Variants in STPG2 observed in about 807,000 individuals in gnomAD.
STPG2 encodes the protein sperm tail PG-rich repeat containing 2, also known as sperm-tail PG-rich repeat-containing protein 2.
Under a neutral mutation model 54.2 loss-of-function variants are expected in STPG2, and 56 were observed. That is an observed-to-expected ratio of 1.03 (90% CI 0.83 to 1.29). The LOEUF is 1.29. STPG2 is among the 50% of genes most tolerant of loss of function. The pLI, the probability that STPG2 is intolerant of heterozygous loss-of-function variation, is 0.00. For missense variants in STPG2, 596 were observed against 544.9 expected (o/e 1.09, Z -0.93); for synonymous variants, 200 against 181.8 (o/e 1.10, Z -0.81).
intron 7 of STPG2, among the ~76,000 whole-genome samples, chr4:97,958,642 CAAAG>C (rs1383152658): frequency 2.6e-5 from 4 of 151,460 alleles, no homozygotes; most frequent in Non-Finnish European, 5.9e-5. Context: ...TTTAAAAAGA[CAAAG>C]AAGGCCTTGT....
chr4:97,948,553 G>T (rs1173710424), intron 7 of STPG2, among the ~76,000 whole-genome samples: 1 of 152,036 alleles, frequency 6.6e-6, no homozygotes, highest in Non-Finnish European at 1.5e-5. Context: ...GGCATTTAGT[G>T]CTACAAACAT....
intron 9 of STPG2, among the ~76,000 whole-genome samples, chr4:97,823,809 G>A (rs1027539934): frequency 2.0e-5 from 3 of 152,100 alleles, no homozygotes; most frequent in African/African-American, 4.8e-5. Flanking sequence ...GACTGGATCC[G>A]AGGCCCAACC....
chr4:97,500,707 C>G (rs999162198), intron 4 of STPG2, among the ~76,000 whole-genome samples: 1 of 151,972 alleles, frequency 6.6e-6, no homozygotes, highest in Non-Finnish European at 1.5e-5. Context: ...GAATGAGTGT[C>G]AAGTGCTATG....
At chr4:97,446,588 G>C (rs1289572061) in intron 4 of STPG2, among the ~76,000 whole-genome samples, 1 of 152,144 alleles carries the variant, frequency 6.6e-6, no homozygotes, top group African/African-American at 2.4e-5. Flanking sequence ...ATGTATCAAG[G>C]GAGGGACCAG....
At chr4:97,996,293 C>T (rs916099238) in intron 5 of STPG2, among the ~76,000 whole-genome samples, 2 of 152,144 alleles carry the variant, frequency 1.3e-5, no homozygotes, top group Non-Finnish European at 2.9e-5. Context: ...TGCTACACAC[C>T]TACTACCATC....
chr4:97,866,869 G>A (rs1450877353), intron 8 of STPG2, among the ~76,000 whole-genome samples: 2 of 151,814 alleles, frequency 1.3e-5, no homozygotes, highest in Non-Finnish European at 2.9e-5. Flanking sequence ...GGGGAGAATA[G>A]ATTAAAGGCA....
intron 5 of STPG2, among the ~76,000 whole-genome samples, chr4:98,042,435 T>C (rs552942418): frequency 6.6e-6 from 1 of 152,014 alleles, no homozygotes; most frequent in South Asian, 2.1e-4. Context: ...ATTTGTGGTG[T>C]TTCTTTTTAT....
chr4:98,040,275 G>GTT (rs1736909270), intron 5 of STPG2, among the ~76,000 whole-genome samples: 2 of 151,860 alleles, frequency 1.3e-5, no homozygotes, highest in South Asian at 4.1e-4. Flanking sequence ...CAAGTTGTCT[G>GTT]TTCACTCTGT....
At chr4:97,887,896 T>TG (rs1730636778) in intron 8 of STPG2, among the ~76,000 whole-genome samples, 3 of 152,162 alleles carry the variant, frequency 2.0e-5, no homozygotes, top group African/African-American at 4.8e-5. Flanking sequence ...CTTGGGAAAC[T>TG]GCTCCCTGCA....
chr4:97,910,415 AG>A (rs1163959408), intron 8 of STPG2, among the ~76,000 whole-genome samples: 1 of 152,250 alleles, frequency 6.6e-6, no homozygotes, highest in African/African-American at 2.4e-5. Context: ...AAATCAATAT[AG>A]CAAAAGCTCT....
chr4:97,445,668 T>C (rs1279215556), intron 4 of STPG2, among the ~76,000 whole-genome samples: 1 of 152,246 alleles, frequency 6.6e-6, no homozygotes, highest in Non-Finnish European at 1.5e-5. Flanking sequence ...ATGTGGCTAG[T>C]GGCTACCATC....
At chr4:97,952,872 G>A (rs576346656) in intron 7 of STPG2, among the ~76,000 whole-genome samples, 2 of 152,154 alleles carry the variant, frequency 1.3e-5, no homozygotes, top group South Asian at 4.2e-4. Context: ...CTCCTTTCTG[G>A]GCACATTGTT....
intron 5 of STPG2, among the ~76,000 whole-genome samples, chr4:98,031,656 G>A (rs991752135): frequency 5.3e-5 from 8 of 151,952 alleles, no homozygotes; most frequent in African/African-American, 1.9e-4. Flanking sequence ...CCGCACTCCA[G>A]CCTGGGCAAA....
At chr4:97,688,391 G>A (rs1420902491) in intron 10 of STPG2, among the ~76,000 whole-genome samples, 3 of 152,128 alleles carry the variant, frequency 2.0e-5, no homozygotes, top group African/African-American at 7.2e-5. Flanking sequence ...TTTTGAGACA[G>A]AGTCTGGCTC....
At chr4:97,455,467 C>A (rs1421857695) in intron 4 of STPG2, among the ~76,000 whole-genome samples, 1 of 152,084 alleles carries the variant, frequency 6.6e-6, no homozygotes, top group African/African-American at 2.4e-5. Context: ...CAGACACCAG[C>A]AGATGTTGGC....
intron 10 of STPG2, among the ~76,000 whole-genome samples, chr4:97,680,553 T>A (rs1723001239): frequency 6.6e-6 from 1 of 152,126 alleles, no homozygotes; most frequent in African/African-American, 2.4e-5. Flanking sequence ...GTTTTCTAGA[T>A]ATACAATCAT....
At chr4:97,698,604 T>C (rs990809194) in intron 10 of STPG2, among the ~76,000 whole-genome samples, 4 of 152,010 alleles carry the variant, frequency 2.6e-5, no homozygotes, top group Admixed American at 2.0e-4. Flanking sequence ...GTCACTAAGG[T>C]TGATGATGAG....
intron 10 of STPG2, among the ~76,000 whole-genome samples, chr4:97,666,873 C>T (rs1241799729): frequency 6.6e-6 from 1 of 152,134 alleles, no homozygotes; most frequent in Non-Finnish European, 1.5e-5. Flanking sequence ...CTCATTTCAT[C>T]CACCACCAGA....
intron 10 of STPG2, among the ~76,000 whole-genome samples, chr4:97,643,591 GCAA>G (rs1462884964): frequency 6.6e-6 from 1 of 151,600 alleles, no homozygotes; most frequent in African/African-American, 2.4e-5. Flanking sequence ...GGGCTTATTT[GCAA>G]CAACATTAAA....
Sources: gnomAD v4.1 joint callset for allele counts (sites outside exome capture counted in the v4.1 genomes callset) on GRCh38, gnomAD v4.1.1 for gene constraint, MANE v1.5 for transcripts, NCBI Gene and HGNC (gene_info 2026-07-23, HGNC 2026-07-21) for gene names.